Variants in SORBS2 observed in about 807,000 individuals in gnomAD.
SORBS2 encodes sorbin and SH3 domain-containing protein 2.
SORBS2 carries 46 observed loss-of-function variants against 97.7 expected under a neutral mutation model. The observed-to-expected ratio is 0.47, with a 90% CI of 0.37 to 0.60. The LOEUF is 0.60. SORBS2 is among the 20% of genes least tolerant of loss of function. The pLI is 0.00. For synonymous variants in SORBS2, 476 were observed against 473.4 expected (o/e 1.01, Z -0.07); for missense variants, 1,316 against 1,282.3 (o/e 1.03, Z -0.40).
At chr4:185,604,113 C>T (rs528418797) in intron 12 of SORBS2, among the ~76,000 whole-genome samples, 17 of 152,296 alleles carry the variant, frequency 1.1e-4, no homozygotes, top group African/African-American at 3.9e-4. Context: ...ATCATTACTT[C>T]TTATTATGAT....
At chr4:185,820,520 T>C (rs1393646495) in intron 1 of SORBS2, among the ~76,000 whole-genome samples, 2 of 152,072 alleles carry the variant, frequency 1.3e-5, no homozygotes, top group African/African-American at 4.8e-5. Context: ...AGGAGGGGCA[T>C]GGTGTGCCCA....
intron 1 of SORBS2, among the ~76,000 whole-genome samples, chr4:185,798,264 T>C (rs565338131): frequency 7.9e-5 from 12 of 152,332 alleles, no homozygotes; most frequent in African/African-American, 2.9e-4. Context: ...TTATTTATTT[T>C]TTCCAGAATA....
Position 185,623,641 on chromosome 4 carries a change from G to T in SORBS2, c.1488C>A (p.His496Gln), listed in dbSNP as rs750129650. Residue 496 changes from histidine (H) to glutamine (Q), a missense_variant, in exon 7 of 15, where the codon CAC (histidine) becomes CAA (glutamine). His to Gln is a conservative substitution (Grantham distance 24). Transcript: ENST00000418609. This position sits in a 1 kb window ranked among gnomAD's most constrained non-coding sequence, Gnocchi z 6.4. ...CCTGGTCGCTGTCGGAAAACTCCACGTGTGCTCGGGGCTGCTCATCGCTGG... is the reference window on the plus strand; with the variant it reads ...CCTGGTCGCTGTCGGAAAACTCCACTTGTGCTCGGGGCTGCTCATCGCTGG... The T allele has an allele frequency of 3.7e-6, 6 of 1,614,138 alleles. No homozygotes were observed. The highest frequency in any genetic ancestry group is 1.1e-5 in the South Asian group (1 of 91,066).
chr4:185,925,129 T>G (rs1207928484), intron 1 of SORBS2, among the ~76,000 whole-genome samples: 1 of 152,232 alleles, frequency 6.6e-6, no homozygotes, highest in Non-Finnish European at 1.5e-5. Flanking sequence ...ATGGTTTTGT[T>G]TGCATCTATG....
At chr4:185,847,841 T>C (rs2149676334) in intron 1 of SORBS2, among the ~76,000 whole-genome samples, 1 of 152,278 alleles carries the variant, frequency 6.6e-6, no homozygotes, top group Non-Finnish European at 1.5e-5. Flanking sequence ...TCGGCAAGGA[T>C]TGAGATTTTT....
chr4:185,840,854 T>C (rs1340184406), intron 1 of SORBS2, among the ~76,000 whole-genome samples: 2 of 152,002 alleles, frequency 1.3e-5, no homozygotes, highest in Non-Finnish European at 2.9e-5. Flanking sequence ...ACCCATAGAC[T>C]GACTCATATC....
At chr4:185,660,253 G>T (rs137914924), upstream of SORBS2, among the ~76,000 whole-genome samples, 197 of 152,266 alleles carry the variant, frequency 1.3e-3, no homozygotes, top group African/African-American at 4.5e-3. Flanking sequence ...ACTAAGACAG[G>T]CAATGAGACA....
chr4:185,656,599 TG>T lies in SORBS2; in HGVS notation c.24+15del, dbSNP rs557596276. 52 of 1,532,474 alleles carry T rather than the reference TG, an allele frequency of 3.4e-5. No homozygotes were observed. The East Asian group carries it at 1.1e-3, about 33-fold the overall frequency. The allele number at this position is 1,532,474 out of a possible 1,614,324, so 94.9% of individuals were successfully genotyped here. On this transcript the variant is annotated intron_variant, in intron 1 of 14. Coordinates refer to ENST00000418609, the Ensembl canonical transcript of SORBS2. ...TATGCAGCTGCAGTCCCTCCCCGCATGGCCCCCAACTTCACCTGCAAAGGTG... is the reference window on the plus strand; with the variant it reads ...TATGCAGCTGCAGTCCCTCCCCGCATGCCCCCAACTTCACCTGCAAAGGTG...
chr4:185,811,432 C>A (rs1202170142), intron 1 of SORBS2, among the ~76,000 whole-genome samples: 5 of 152,214 alleles, frequency 3.3e-5, no homozygotes, highest in African/African-American at 1.2e-4. Flanking sequence ...TTTTAAAACC[C>A]CAAAGCATAT....
chr4:185,612,491 ATT>A (rs112327583), intron 11 of SORBS2, among the ~76,000 whole-genome samples: 4 of 114,866 alleles, frequency 3.5e-5, no homozygotes, highest in Non-Finnish European at 3.8e-5. Flanking sequence ...TTTTATTTCT[ATT>A]TTTTTTTTTT....
chr4:185,694,706 C>CTTTTTTTTTTTTTTTTTTTTTTTTTTTTT lies in SORBS2; in HGVS notation c.-197-15885_-197-15884insAAAAAAAAAAAAAAAAAAAAAAAAAAAAA, dbSNP rs1200094039. Among the ~76,000 whole-genome samples the CTTTTTTTTTTTTTTTTTTTTTTTTTTTTT allele has an allele frequency of 4.0e-5, 5 of 124,244 alleles. 2 individuals carry two copies. The highest frequency in any genetic ancestry group is 8.3e-5 in the Non-Finnish European group (5 of 60,044). 81.5% of individuals were successfully genotyped at this position (124,244 alleles called of 152,430 possible). ...TTTCTTTTTCTTTTTCCTTTTCTTT[C>CTTTTTTTTTTTTTTTTTTTTTTTTTTTTT]TTTTCTTTTCTTTTTTTTGAGACGG... On this transcript the variant is annotated intron_variant, in intron 2 of 20. Coordinates refer to the SORBS2 transcript ENST00000284776.
At position 185,589,548 on chromosome 4, in the gene SORBS2, T is replaced by C. The variant is rs924128310; in HGVS notation, c.2953+131A>G. 4.5e-6 allele frequency: 3 copies of C among 673,002 alleles called. No individual in the cohort carries two copies. The African/African-American group carries it at 5.4e-5, about 12-fold the overall frequency. 41.7% of individuals were successfully genotyped at this position (673,002 alleles called of 1,614,324 possible). Reference sequence around the variant, plus strand: ...AATAGCCTTGGGATTACATTGTGCATATGAATGTCTGAAAGATCAAAGGCA... The same window carrying C: ...AATAGCCTTGGGATTACATTGTGCACATGAATGTCTGAAAGATCAAAGGCA... On this transcript the variant is annotated intron_variant, in intron 14 of 14. Transcript: ENST00000418609.
At chr4:185,656,863 A>C in exon 1 of SORBS2, 1 of 1,312,562 alleles carries the variant, frequency 7.6e-7, no homozygotes, top group Non-Finnish European at 9.7e-7. Flanking sequence ...CTCAGCAGGC[A>C]CGGCTGAAGA....
intron 1 of SORBS2, among the ~76,000 whole-genome samples, chr4:185,883,870 C>A (rs1304181915): frequency 6.6e-6 from 1 of 152,164 alleles, no homozygotes; most frequent in Non-Finnish European, 1.5e-5. Context: ...TTTTAACTAA[C>A]AAATGATCAT....
chr4:185,781,535 T>C (rs893211760), intron 1 of SORBS2, among the ~76,000 whole-genome samples: 8 of 151,290 alleles, frequency 5.3e-5, no homozygotes, highest in Non-Finnish European at 8.9e-5. Context: ...CTCTCCAGCC[T>C]CCCTTCCATT....
chr4:185,876,090 T>C (rs1255871627), intron 1 of SORBS2, among the ~76,000 whole-genome samples: 1 of 151,176 alleles, frequency 6.6e-6, no homozygotes, highest in Non-Finnish European at 1.5e-5. Flanking sequence ...ACTAGAAGAA[T>C]TGCAAGCTTT....
chr4:185,929,397 G>A (rs1041744031), intron 1 of SORBS2, among the ~76,000 whole-genome samples: 1 of 152,208 alleles, frequency 6.6e-6, no homozygotes, highest in Non-Finnish European at 1.5e-5. Context: ...AATCATCATA[G>A]CTCTTCTTTC....
chr4:185,909,066 G>T (rs1382837345), intron 1 of SORBS2, among the ~76,000 whole-genome samples: 1 of 152,084 alleles, frequency 6.6e-6, no homozygotes, highest in African/African-American at 2.4e-5. Context: ...CATAGGAAAA[G>T]AAGTCGTTAT....
chr4:185,654,808 G>GT (rs33945571), intron 1 of SORBS2, among the ~76,000 whole-genome samples: 67,844 of 151,982 alleles, frequency 0.45, 16,580 homozygotes, highest in Middle Eastern at 0.61. Context: ...TCACTATGCC[G>GT]TTTTTTCTAC....
Sources: gnomAD v4.1 joint callset for allele counts (sites outside exome capture counted in the v4.1 genomes callset) on GRCh38, gnomAD v4.1.1 for gene constraint, Gnocchi (gnomAD v3.1) non-coding constraint, MANE v1.5 for transcripts, NCBI Gene and HGNC (gene_info 2026-07-23, HGNC 2026-07-21) for gene names.